The following IL19 variants were observed in gnomAD, a reference collection of about 807,000 sequenced individuals.
IL19 encodes the protein interleukin 19.
IL19 carries 15 observed loss-of-function variants against 19.5 expected under a neutral mutation model. That is an observed-to-expected ratio of 0.77 (90% CI 0.52 to 1.19). IL19 has a LOEUF of 1.19. Ranked by LOEUF, IL19 falls within the 50% of genes most tolerant of loss-of-function variation. IL19 has a pLI of 0.00. For missense variants in IL19, 199 were observed against 213.1 expected, an observed-to-expected ratio of 0.93 and a Z score of 0.41; for synonymous variants, 78 against 78.3, an observed-to-expected ratio of 1.00 and a Z score of 0.02.
At chr1:206,825,365 C>A (rs1676402188) in intron 2 of IL19, among the ~76,000 whole-genome samples, 1 of 152,220 alleles carries the variant, frequency 6.6e-6, no homozygotes, top group Admixed American at 6.5e-5. Context: ...GATTGAATTG[C>A]CTTTGATGCA....
At chr1:206,801,675 T>C (rs1675711815) in intron 2 of IL19, among the ~76,000 whole-genome samples, 1 of 152,260 alleles carries the variant, frequency 6.6e-6, no homozygotes, top group Non-Finnish European at 1.5e-5. Flanking sequence ...CCCAGCACTT[T>C]TGAGTCACTT....
intron 1 of IL19, among the ~76,000 whole-genome samples, chr1:206,782,170 C>T (rs1675163987): frequency 1.3e-5 from 2 of 151,780 alleles, no homozygotes; most frequent in Admixed American, 1.3e-4. Context: ...TACATGTTAA[C>T]ATGGCATTTT....
intron 4 of IL19, among the ~76,000 whole-genome samples, chr1:206,838,978 CT>C (rs2102490404): frequency 6.6e-6 from 1 of 152,324 alleles, no homozygotes. Context: ...AAAGCTGACA[CT>C]GGGGCCAAGG....
At chr1:206,800,974 T>A (rs1675667258) in intron 2 of IL19, among the ~76,000 whole-genome samples, 1 of 152,210 alleles carries the variant, frequency 6.6e-6, no homozygotes, top group Non-Finnish European at 1.5e-5. Flanking sequence ...TACTCCTGCC[T>A]GTGGTCGTTG....
intron 2 of IL19, among the ~76,000 whole-genome samples, chr1:206,828,392 G>T (rs1676494470): frequency 6.6e-6 from 1 of 152,170 alleles, no homozygotes; most frequent in Non-Finnish European, 1.5e-5. Context: ...GTTCCTAAAG[G>T]ACAGGGGTTC....
chr1:206,826,327 G>C (rs1345714433), intron 2 of IL19, among the ~76,000 whole-genome samples: 9 of 152,196 alleles, frequency 5.9e-5, no homozygotes, highest in Non-Finnish European at 2.9e-5. Flanking sequence ...TGGAGATTTA[G>C]ACAACCCAGG....
chr1:206,830,351 G>A (rs560942569), intron 2 of IL19, among the ~76,000 whole-genome samples: 2 of 151,802 alleles, frequency 1.3e-5, no homozygotes, highest in East Asian at 3.9e-4. Flanking sequence ...AAAAGAGAGA[G>A]AAAAGATAAA....
At chr1:206,832,801 A>T (rs1676652171) in intron 2 of IL19, among the ~76,000 whole-genome samples, 1 of 152,214 alleles carries the variant, frequency 6.6e-6, no homozygotes. Context: ...GAACCACTAT[A>T]GTCTACCACT....
intron 1 of IL19, chr1:206,772,137 A>G (rs1674868318): frequency 1.2e-6 from 1 of 804,882 alleles, no homozygotes; most frequent in Non-Finnish European, 2.1e-6. Context: ...GATTCTCTTA[A>G]GAATTTAAGT....
Position 206,809,681 on chromosome 1 carries a change from A to G in IL19, c.-3+10675A>G, listed in dbSNP as rs922023111. Among the ~76,000 whole-genome samples the G allele has an allele frequency of 1.2e-4, 18 of 152,352 alleles. No individual in the cohort carries two copies. In the South Asian group the frequency reaches 2.7e-3, roughly 23 times the overall value. On this transcript the variant is annotated intron_variant, in intron 2 of 6. Transcript: ENST00000659997. ...TAAGGCGGGTTGTGCAATTGGCACT[A>G]GATGGCACTGTAGCAGCCTGGGTGC...
intron 1 of IL19, among the ~76,000 whole-genome samples, chr1:206,779,809 ACTTT>A (rs1213127495): frequency 2.0e-5 from 3 of 146,564 alleles, no homozygotes; most frequent in African/African-American, 7.6e-5. Flanking sequence ...AGCCTCATTG[ACTTT>A]CTTCTTCTTT....
At chr1:206,799,069 A>C (rs1675607192) in intron 2 of IL19, 63 bp downstream of exon 2, 1 of 1,114,016 alleles carries the variant, frequency 9.0e-7, no homozygotes, top group African/African-American at 1.5e-5. Flanking sequence ...AGAGATATCC[A>C]GTTTATTTCA....
At chr1:206,817,463 C>T (rs550139769) in intron 2 of IL19, among the ~76,000 whole-genome samples, 1 of 152,360 alleles carries the variant, frequency 6.6e-6, no homozygotes, top group South Asian at 2.1e-4. Flanking sequence ...GCACATCCAG[C>T]AGCAAGACAC....
intron 1 of IL19, among the ~76,000 whole-genome samples, chr1:206,779,210 G>A (rs1278384940): frequency 1.3e-5 from 2 of 152,162 alleles, no homozygotes; most frequent in African/African-American, 4.8e-5. Context: ...GAGCAGCAGA[G>A]CATATTCTAT....
At chr1:206,833,338 G>A (rs537366049) in intron 2 of IL19, among the ~76,000 whole-genome samples, 24 of 152,312 alleles carry the variant, frequency 1.6e-4, no homozygotes, top group South Asian at 4.1e-4. Flanking sequence ...TTCCTTATAC[G>A]CTGGCTAAAA....
chr1:206,837,152 T>A, intron 4 of IL19, 129 bp downstream of exon 4: 1 of 735,734 alleles, frequency 1.4e-6, no homozygotes, highest in Non-Finnish European at 2.2e-6. Flanking sequence ...TGCACCAGGC[T>A]TCTTTGTCAG....
intron 1 of IL19, among the ~76,000 whole-genome samples, chr1:206,794,809 G>A (rs978263258): frequency 3.3e-5 from 5 of 152,142 alleles, no homozygotes; most frequent in East Asian, 1.9e-4. Context: ...TACCAAGCCC[G>A]GTGCTTTGTC....
chr1:206,842,223 C>A (rs987512521), intron 6 of IL19, among the ~76,000 whole-genome samples: 1 of 151,662 alleles, frequency 6.6e-6, no homozygotes, highest in Non-Finnish European at 1.5e-5. Context: ...GCGGAACTGG[C>A]CAGTAAGGCA....
At chr1:206,777,490 T>C (rs937437403) in intron 1 of IL19, among the ~76,000 whole-genome samples, 5 of 152,016 alleles carry the variant, frequency 3.3e-5, no homozygotes, top group Non-Finnish European at 7.4e-5. Context: ...AGTTACCCCA[T>C]GCCTTACTGC....
Sources: gnomAD v4.1 joint callset for allele counts (sites outside exome capture counted in the v4.1 genomes callset) on GRCh38, gnomAD v4.1.1 for gene constraint, MANE v1.5 for transcripts, NCBI Gene and HGNC (gene_info 2026-07-23, HGNC 2026-07-21) for gene names.